Variants in FBXL13 observed in about 807,000 individuals in gnomAD.
FBXL13 encodes the protein F-box and leucine-rich repeat protein 13.
FBXL13 carries 67 observed loss-of-function variants against 83.6 expected under a neutral mutation model. The observed-to-expected ratio is 0.80, with a 90% CI of 0.66 to 0.98. The LOEUF is 0.98. Ranked by LOEUF, FBXL13 falls within the 50% of genes least tolerant of loss-of-function variation. The pLI, the probability that FBXL13 is intolerant of heterozygous loss-of-function variation, is 0.00. For missense variants in FBXL13, 822 were observed against 866.5 expected (o/e 0.95, Z 0.64); for synonymous variants, 272 against 299.5 (o/e 0.91, Z 0.95).
chr7:102,847,085 T>C (rs1254071070), intron 17 of FBXL13, among the ~76,000 whole-genome samples: 1 of 152,240 alleles, frequency 6.6e-6, no homozygotes, highest in Non-Finnish European at 1.5e-5. Context: ...GCAACTCTCA[T>C]TTATTTACAT....
At chr7:102,998,692 C>T (rs532673456) in intron 6 of FBXL13, among the ~76,000 whole-genome samples, 60 of 151,942 alleles carry the variant, frequency 3.9e-4, no homozygotes, top group Non-Finnish European at 5.9e-4. Context: ...TTAGGTTGGG[C>T]GCAGTGGCTC....
At chr7:102,967,930 G>A (rs1826169816) in intron 7 of FBXL13, 92 bp downstream of exon 8, 1 of 894,190 alleles carries the variant, frequency 1.1e-6, no homozygotes, top group South Asian at 1.6e-5. Context: ...ACAGAGCATG[G>A]AAGAAGGTGT....
chr7:102,853,681 A>G (rs1805600700), intron 17 of FBXL13, among the ~76,000 whole-genome samples: 1 of 152,138 alleles, frequency 6.6e-6, no homozygotes, highest in Non-Finnish European at 1.5e-5. Context: ...CAAGAAAAAA[A>G]CAAACAACCC....
intron 5 of FBXL13, among the ~76,000 whole-genome samples, chr7:103,025,651 C>T (rs1465851893): frequency 6.6e-6 from 1 of 151,928 alleles, no homozygotes; most frequent in Non-Finnish European, 1.5e-5. Context: ...ACAGGAAGTC[C>T]CCATTTTAAC....
At chr7:103,074,216 C>G in intron 1 of FBXL13, 29 of 993,372 alleles carry the variant, frequency 2.9e-5, no homozygotes, top group Non-Finnish European at 3.5e-5. Context: ...ATTTTCTGCC[C>G]TCACGGCTCC....
chr7:102,995,213 G>A (rs1017509258), intron 6 of FBXL13, among the ~76,000 whole-genome samples: 3 of 152,148 alleles, frequency 2.0e-5, no homozygotes, highest in African/African-American at 7.2e-5. Context: ...CAGGCACGGT[G>A]GCCCACGCCT....
chr7:102,932,099 TGG>T (rs958616667), intron 8 of FBXL13, among the ~76,000 whole-genome samples, 166 bp from the exon 10 acceptor site: 1 of 152,180 alleles, frequency 6.6e-6, no homozygotes, highest in Non-Finnish European at 1.5e-5. Context: ...ATGGCTTTTT[TGG>T]GCTTCAGAAT....
intron 16 of FBXL13, among the ~76,000 whole-genome samples, chr7:102,868,315 C>G (rs1808043532): frequency 6.6e-6 from 1 of 152,112 alleles, no homozygotes. Flanking sequence ...CTCCCCTCAC[C>G]ACTCCCTCCC....
intron 14 of FBXL13, among the ~76,000 whole-genome samples, chr7:102,881,436 C>CAAAA (rs34979881): frequency 4.9e-5 from 3 of 61,390 alleles, no homozygotes; most frequent in African/African-American, 1.2e-4. Flanking sequence ...GACTCCATCT[C>CAAAA]AAAAAAAAAA....
chr7:103,069,538 G>C (rs981064526), intron 1 of FBXL13, among the ~76,000 whole-genome samples: 1 of 152,198 alleles, frequency 6.6e-6, no homozygotes, highest in Non-Finnish European at 1.5e-5. Flanking sequence ...TGAGGAGACA[G>C]AGACTGGCTA....
chr7:102,931,500 GCAACTAGGGAAACATATTCATTT>G (rs1236577485), intron 9 of FBXL13, among the ~76,000 whole-genome samples: 1 of 152,170 alleles, frequency 6.6e-6, no homozygotes, highest in Admixed American at 6.5e-5. Flanking sequence ...CAGGAAGAAA[GCAACTAGGGAAACATATTCATTT>G]CCATCTTCTT....
intron 8 of FBXL13, among the ~76,000 whole-genome samples, chr7:102,951,448 C>G (rs1348422514): frequency 1.3e-5 from 2 of 149,682 alleles, no homozygotes; most frequent in African/African-American, 4.9e-5. Context: ...AAATCAATAA[C>G]CTAACTTTTA....
exon 18 of FBXL13, chr7:102,832,853 G>T (rs867156517): frequency 6.2e-7 from 1 of 1,614,212 alleles, no homozygotes; most frequent in Non-Finnish European, 8.5e-7. Context: ...TGGACAGCCA[G>T]CAATGCTGAG....
intron 6 of FBXL13, among the ~76,000 whole-genome samples, chr7:103,006,006 A>T (rs933840507): frequency 6.6e-6 from 1 of 152,232 alleles, no homozygotes; most frequent in Admixed American, 6.5e-5. Context: ...AAAAATGGAA[A>T]AAATATATGA....
chr7:102,894,431 G>C (rs1380252997), intron 11 of FBXL13, among the ~76,000 whole-genome samples: 1 of 151,966 alleles, frequency 6.6e-6, no homozygotes, highest in African/African-American at 2.4e-5. Context: ...AATATAATTG[G>C]TGAAAAAATA....
chr7:103,060,538 A>C (rs1413955446), intron 1 of FBXL13, among the ~76,000 whole-genome samples: 1 of 152,152 alleles, frequency 6.6e-6, no homozygotes, highest in Non-Finnish European at 1.5e-5. Context: ...TTAGGACAAA[A>C]GCATTTAGGG....
intron 11 of FBXL13, among the ~76,000 whole-genome samples, chr7:102,889,392 GTTTT>G (rs2129459994): frequency 6.6e-6 from 1 of 152,214 alleles, no homozygotes; most frequent in East Asian, 1.9e-4. Flanking sequence ...TTTGAGAACT[GTTTT>G]TTGTTTGTTT....
At position 102,944,420 on chromosome 7, in the gene FBXL13, C is replaced by T. The variant is rs145512772; in HGVS notation, c.725-12487G>A. On this transcript the variant is annotated intron_variant, in intron 8 of 19. Coordinates refer to ENST00000313221, the Ensembl canonical transcript of FBXL13. ...CATTTTAATGGCCTGGAATGCAAAACGCCTGAAGAATACAAAGGATGGTCT... is the reference window on the plus strand; with the variant it reads ...CATTTTAATGGCCTGGAATGCAAAATGCCTGAAGAATACAAAGGATGGTCT... 133 of 1,613,844 alleles carry T rather than the reference C, an allele frequency of 8.2e-5. No homozygotes were observed. In the African/African-American group the frequency reaches 1.6e-3, roughly 19 times the overall value.
chr7:102,972,059 G>A (rs1826754766), intron 6 of FBXL13, among the ~76,000 whole-genome samples: 1 of 151,588 alleles, frequency 6.6e-6, no homozygotes, highest in Non-Finnish European at 1.5e-5. Flanking sequence ...GACACTTTGA[G>A]ACATAGACTG....
Sources: gnomAD v4.1 joint callset for allele counts (sites outside exome capture counted in the v4.1 genomes callset) on GRCh38, gnomAD v4.1.1 for gene constraint, MANE v1.5 for transcripts, NCBI Gene and HGNC (gene_info 2026-07-23, HGNC 2026-07-21) for gene names.